Variants in RAVER1 observed in about 807,000 individuals in gnomAD.
RAVER1 encodes ribonucleoprotein, PTB binding 1, also known as ribonucleoprotein PTB-binding 1.
A neutral mutation model predicts 68.4 loss-of-function variants in RAVER1; 36 were observed. The observed-to-expected ratio is 0.53, with a 90% CI of 0.40 to 0.70. RAVER1 has a LOEUF of 0.70. Among genes scored for constraint, RAVER1 ranks in the 30% least tolerant of loss-of-function variants. RAVER1 has a pLI of 0.00. For missense variants in RAVER1, 933 were observed against 1,019.8 expected, an observed-to-expected ratio of 0.91 and a Z score of 1.16; for synonymous variants, 469 against 472.7, an observed-to-expected ratio of 0.99 and a Z score of 0.10.
In RAVER1 at chr19:10,316,331, G is replaced by T; in HGVS notation, c.*1123C>A. ...ATGTGGACCCCCAGAGTCAAGGGAG[G>T]GAAGCTGGTGGCCCAGTTGGCTGGG... On this transcript the variant is annotated 3_prime_UTR_variant, in exon 13 of 13. Coordinates refer to ENST00000617231, the MANE Select transcript of RAVER1 (RefSeq NM_133452.3). 8.8e-7 allele frequency: 1 copy of T among 1,135,852 alleles called. No individual in the cohort carries two copies. The highest frequency in any genetic ancestry group is 1.1e-6 in the Non-Finnish European group (1 of 924,324). 70.4% of individuals were successfully genotyped at this position (1,135,852 alleles called of 1,614,324 possible).
intron 3 of RAVER1, among the ~76,000 whole-genome samples, chr19:10,326,937 T>G (rs1239034735): frequency 6.6e-6 from 1 of 151,130 alleles, no homozygotes. Flanking sequence ...TGGCTAATTT[T>G]TTTTGTATTT....
intron 8 of RAVER1, 37 bp downstream of exon 8, chr19:10,321,011 A>AGGCTGGTGTGGTGCCGCGCGCAGGGCAG: frequency 6.8e-7 from 1 of 1,474,736 alleles, no homozygotes; most frequent in Non-Finnish European, 8.9e-7. Flanking sequence ...GCGGAACAGG[A>AGGCTGGTGTGGTGCCGCGCGCAGGGCAG]GGCTGGTGTG....
In RAVER1 at chr19:10,322,684, C is replaced by T. The variant is rs117798643; in HGVS notation, c.1134G>A (p.Thr378=). The T allele has an allele frequency of 0.03, 46,212 of 1,542,736 alleles. 815 individuals are homozygous for T. The highest frequency in any genetic ancestry group is 0.036 in the Non-Finnish European group (41,399 of 1,154,158). The part of the protein sequence containing the change: ...MPLLNGPALS[T]ALLQLALQTQ... ...TCTGCAGGGCGAGCTGCAACAGCGC[C>T]GTGGACAGGGCTGGCCCATTGAGCA... Residue 378 remains threonine, a synonymous_variant, in exon 6 of 13, where the codon ACG becomes ACA. Transcript: ENST00000617231. This position sits in a 1 kb window ranked among gnomAD's most constrained non-coding sequence, Gnocchi z 4.3.
Position 10,333,282 on chromosome 19 carries a change from C to A in RAVER1, c.219+7G>T, listed in dbSNP as rs376229949. On this transcript the variant is annotated splice_region_variant and intron_variant, in intron 1 of 12. Transcript: ENST00000617231. This position sits in a 1 kb window ranked among gnomAD's most constrained non-coding sequence, Gnocchi z 4.2. ...CCGCCACGCTCCTACACCGCCCCCC[C>A]CAATACCTGGTTGGTCACGTCCCCC... The A allele has an allele frequency of 1.7e-4, 282 of 1,612,354 alleles. No homozygotes were observed. The highest frequency in any genetic ancestry group is 1.3e-4 in the Non-Finnish European group (151 of 1,178,726).
At position 10,322,316 on chromosome 19, in the gene RAVER1, A is replaced by C. The variant is rs1301927912; in HGVS notation, c.1173+329T>G. On this transcript the variant is annotated intron_variant, in intron 6 of 12. Transcript: ENST00000617231. This position sits in a 1 kb window ranked among gnomAD's most constrained non-coding sequence, Gnocchi z 4.3. ...TAGAGCTTCCGAGCAGAGTCTATTC[A>C]CAAACTGGTGCCCAGCAGCGGCGCT... 5.7e-6 allele frequency: 2 copies of C among 350,956 alleles called. No individual in the cohort carries two copies. Among genetic ancestry groups the C allele is most frequent in the Non-Finnish European group, 1.0e-5 (2 of 193,726 alleles). 21.7% of individuals were successfully genotyped at this position (350,956 alleles called of 1,614,324 possible).
At chr19:10,326,494 G>A (rs1325795292) in intron 3 of RAVER1, among the ~76,000 whole-genome samples, 1 of 152,228 alleles carries the variant, frequency 6.6e-6, no homozygotes, top group Non-Finnish European at 1.5e-5. Flanking sequence ...GCCCAGGCTG[G>A]AGTGCAGCGG....
chr19:10,317,716 G>T lies in RAVER1; in HGVS notation c.2047C>A (p.Pro683Thr). 1 of 1,594,584 alleles carries T rather than the reference G, an allele frequency of 6.3e-7. No individual in the cohort carries two copies. ...GEGLLGLSPG[P>T]NGHSHLLKTP... is the part of the protein sequence containing the mutation. Reference sequence around the variant, plus strand: ...TTCAGCAGGTGGCTGTGACCATTAGGCCCGGGGCTGAGGCCCAGGAGCCCT... The same window carrying T: ...TTCAGCAGGTGGCTGTGACCATTAGTCCCGGGGCTGAGGCCCAGGAGCCCT... Residue 683 changes from proline (P) to threonine (T), a missense_variant, in exon 12 of 13, where the codon CCT (proline) becomes ACT (threonine). Physicochemically the swap from Pro to Thr is conservative, Grantham distance 38. Coordinates refer to ENST00000617231, the MANE Select transcript of RAVER1 (RefSeq NM_133452.3). The surrounding 1 kb of genome is among the most constrained non-coding windows in gnomAD (Gnocchi z 4.3).
At chr19:10,320,995 A>C in intron 8 of RAVER1, 44 bp from the exon 9 acceptor site, 2 of 1,481,414 alleles carry the variant, frequency 1.4e-6, no homozygotes. Context: ...CGGGAGAGGG[A>C]ACCCTGCGGA....
intron 2 of RAVER1, among the ~76,000 whole-genome samples, chr19:10,330,249 G>A (rs762658079): frequency 1.1e-4 from 17 of 152,198 alleles, no homozygotes; most frequent in Non-Finnish European, 2.1e-4. Context: ...AGTGGAGTAG[G>A]AAGAGAATCA....
At chr19:10,332,721 C>T (rs2040531290) in intron 1 of RAVER1, among the ~76,000 whole-genome samples, 2 of 152,300 alleles carry the variant, frequency 1.3e-5, no homozygotes, top group East Asian at 3.9e-4. Context: ...GGCCTCGCTT[C>T]CTTCCTGTAG....
rs1001245362 is a variant in RAVER1 at position 10,317,612 on chromosome 19, G to C, written c.2074-12C>G. The C allele has an allele frequency of 6.3e-7, 1 of 1,593,122 alleles. No individual in the cohort carries two copies. Among genetic ancestry groups the C allele is most frequent in the Non-Finnish European group, 8.5e-7 (1 of 1,170,184 alleles). On this transcript the variant is annotated splice_polypyrimidine_tract_variant and intron_variant, in intron 12 of 12. Coordinates refer to ENST00000617231, the MANE Select transcript of RAVER1 (RefSeq NM_133452.3). This position sits in a 1 kb window ranked among gnomAD's most constrained non-coding sequence, Gnocchi z 4.3. ...CCGCCCAGTGGGGTCTGGAGACAGAGGGCAGGGCGGGGCGGGTCAGGGGCC... is the reference window on the plus strand; with the variant it reads ...CCGCCCAGTGGGGTCTGGAGACAGACGGCAGGGCGGGGCGGGTCAGGGGCC...
At position 10,332,166 on chromosome 19, in the gene RAVER1, T is replaced by A. The variant is rs185441563; in HGVS notation, c.219+1123A>T. On this transcript the variant is annotated intron_variant, in intron 1 of 12. Transcript: ENST00000617231. ...CGCACCACCATGCCTGGCTAATTTT[T>A]AAAAATTTTTTGTAGAGATGAGGGT... 1.1e-4 allele frequency among the ~76,000 whole-genome samples: 16 copies of A among 152,240 alleles called. No homozygotes were observed. In the East Asian group the frequency reaches 2.1e-3, roughly 20 times the overall value.
chr19:10,330,760 C>T (rs2040509193), intron 1 of RAVER1, among the ~76,000 whole-genome samples: 1 of 152,210 alleles, frequency 6.6e-6, no homozygotes, highest in Admixed American at 6.5e-5. Flanking sequence ...GCAACATGCT[C>T]TTAGAGGGTA....
chr19:10,320,602 G>T, intron 9 of RAVER1, 53 bp downstream of exon 9: 1 of 1,474,654 alleles, frequency 6.8e-7, no homozygotes. Context: ...AGAAATATCA[G>T]TTTGGAGAAT....
In RAVER1 at chr19:10,331,400, A is replaced by C. The variant is rs764919416; in HGVS notation, c.220-874T>G. ...AAAAAAAAATAACAACAACAAAAAA[A>C]AAAAAAAAAAAAGAGGCCGGGCTCA... On this transcript the variant is annotated intron_variant, in intron 1 of 12. Coordinates refer to ENST00000617231, the MANE Select transcript of RAVER1 (RefSeq NM_133452.3). 6.0e-3 allele frequency among the ~76,000 whole-genome samples: 882 copies of C among 146,836 alleles called. 8 individuals carry two copies. Among genetic ancestry groups the C allele is most frequent in the Non-Finnish European group, 0.011 (720 of 66,116 alleles).
In RAVER1 at chr19:10,320,666, C is replaced by A; in HGVS notation, c.1759G>T (p.Asp587Tyr). The change falls in exon 9 of 13, where the codon GAC (aspartate) becomes TAC (tyrosine). Residue 587 changes from aspartate (D) to tyrosine (Y), a missense_variant. Around this residue, in one of 3 missense-constraint regions of RAVER1, gnomAD observed 699 missense variants for 731.1 expected, o/e 0.96. Coordinates refer to ENST00000617231, the MANE Select transcript of RAVER1 (RefSeq NM_133452.3). ...AGCCAGGCACTCACCGAGGGGTAGT[C>A]GAAGCTGTAGCTGTCAGACAGTCCT... is the stretch of plus-strand genomic sequence containing the variant. ...EPGLSDSYSF[D>Y]YPSDMGPRRL... The A allele has an allele frequency of 1.9e-6, 3 of 1,553,098 alleles. No individual in the cohort carries two copies. Among genetic ancestry groups the A allele is most frequent in the Non-Finnish European group, 2.6e-6 (3 of 1,153,206 alleles).
intron 9 of RAVER1, among the ~76,000 whole-genome samples, chr19:10,319,455 C>T (rs1241202399): frequency 1.3e-5 from 2 of 152,276 alleles, no homozygotes; most frequent in South Asian, 4.1e-4. Context: ...CCCAGGCAAG[C>T]TGGGAATTCG....
rs1268137888 is a variant in RAVER1, at chr19:10,333,124, C to A, written c.219+165G>T. Among the ~76,000 whole-genome samples the A allele has an allele frequency of 1.3e-5, 2 of 152,154 alleles. No individual in the cohort carries two copies. The highest frequency in any genetic ancestry group is 2.9e-5 in the Non-Finnish European group (2 of 68,022). On this transcript the variant is annotated intron_variant, in intron 1 of 12. Coordinates refer to ENST00000617231, the MANE Select transcript of RAVER1 (RefSeq NM_133452.3). This position sits in a 1 kb window ranked among gnomAD's most constrained non-coding sequence, Gnocchi z 4.2. ...AGTCGGTTTCCCCTTTCATCATCGCCCCCCCACGTCCCGCTCTTGGTCTCT... is the reference window on the plus strand; with the variant it reads ...AGTCGGTTTCCCCTTTCATCATCGCACCCCCACGTCCCGCTCTTGGTCTCT...
intron 10 of RAVER1, among the ~76,000 whole-genome samples, chr19:10,318,596 G>T (rs1213348874): frequency 6.6e-6 from 1 of 152,164 alleles, no homozygotes; most frequent in Admixed American, 6.5e-5. Context: ...ACGACCTCAG[G>T]TGATCCGCCC....
Sources: allele counts gnomAD v4.1 joint callset (sites outside exome capture counted in the v4.1 genomes callset), GRCh38; gene constraint gnomAD v4.1.1; regional missense constraint gnomAD v4.1.1; non-coding constraint Gnocchi (gnomAD v3.1); transcripts MANE v1.5; gene names NCBI Gene and HGNC (gene_info 2026-07-23, HGNC 2026-07-21).